Variants in FAP observed in about 807,000 individuals in gnomAD.
FAP encodes the protein prolyl endopeptidase FAP.
A neutral mutation model predicts 126.5 loss-of-function variants in FAP; 110 were observed. That is an observed-to-expected ratio of 0.87 (90% CI 0.74 to 1.02). The LOEUF is 1.02. FAP is among the 50% of genes least tolerant of loss of function. FAP has a pLI of 0.00. For missense variants in FAP, 919 were observed against 909.2 expected (o/e 1.01, Z -0.14); for synonymous variants, 334 against 297.3 (o/e 1.12, Z -1.27).
At chr2:162,218,427 A>G (rs559731514) in intron 8 of FAP, among the ~76,000 whole-genome samples, 5 of 152,204 alleles carry the variant, frequency 3.3e-5, no homozygotes, top group Non-Finnish European at 5.9e-5. Flanking sequence ...TTTTTCTTTC[A>G]GGGCAGTTTC....
chr2:162,195,783 T>C (rs150402758), intron 16 of FAP, among the ~76,000 whole-genome samples: 1 of 152,280 alleles, frequency 6.6e-6, no homozygotes, highest in East Asian at 1.9e-4. Context: ...AATATACCTT[T>C]TAAGCATAAA....
At chr2:162,176,709 T>G (rs1044820374) in intron 21 of FAP, 1 of 152,180 alleles carries the variant, frequency 6.6e-6, no homozygotes, top group African/African-American at 2.4e-5. Context: ...AAAGTGTGTT[T>G]ACTGCAAGTA....
At chr2:162,219,976 A>T in intron 6 of FAP, 51 bp from the exon 7 acceptor site, 1 of 1,223,730 alleles carries the variant, frequency 8.2e-7, no homozygotes, top group South Asian at 1.2e-5. Context: ...TTTAATGCAA[A>T]AAAATAATAA....
chr2:162,195,298 G>C (rs1018576857), intron 16 of FAP, among the ~76,000 whole-genome samples: 6 of 152,034 alleles, frequency 3.9e-5, no homozygotes, highest in Non-Finnish European at 7.4e-5. Context: ...AAGGAGGTTT[G>C]TGGGGGTGGT....
intron 10 of FAP, among the ~76,000 whole-genome samples, 170 bp from the exon 11 acceptor site, chr2:162,214,243 A>T (rs1689078268): frequency 2.0e-5 from 3 of 152,166 alleles, no homozygotes; most frequent in Admixed American, 1.3e-4. Flanking sequence ...AAATATCTCT[A>T]CTTACTTAAA....
intron 12 of FAP, among the ~76,000 whole-genome samples, chr2:162,205,880 A>T (rs1688680945): frequency 6.6e-6 from 1 of 152,206 alleles, no homozygotes; most frequent in African/African-American, 2.4e-5. Flanking sequence ...TCACTAAAAT[A>T]AAACCTGAAT....
intron 20 of FAP, among the ~76,000 whole-genome samples, chr2:162,184,491 A>G (rs1687797067): frequency 6.6e-6 from 1 of 152,234 alleles, no homozygotes; most frequent in Non-Finnish European, 1.5e-5. Context: ...TCGCTCTTGC[A>G]TTGATTCAAC....
Position 162,243,329 on chromosome 2 carries a change from T to C in FAP, c.-2A>G. ...GAGGTTGCTTATACTAACCTTCATT[T>C]TTCCAGATGTTTTTGAAAGTTAGCT... is the stretch of plus-strand genomic sequence containing the variant. On this transcript the variant is annotated 5_prime_UTR_variant, in exon 1 of 26. Transcript: ENST00000188790. 6.2e-7 allele frequency: 1 copy of C among 1,610,314 alleles called. No individual in the cohort carries two copies. Among genetic ancestry groups the C allele is most frequent in the Non-Finnish European group, 8.5e-7 (1 of 1,177,886 alleles).
rs769366467 is a variant in FAP at position 162,209,952 on chromosome 2, T to A, written c.1047A>T (p.Gly349=). Residue 349 remains glycine (G), a splice_region_variant and synonymous_variant, in exon 12 of 26, where the codon GGA becomes GGT. Coordinates refer to ENST00000188790, the MANE Select transcript of FAP (RefSeq NM_004460.5). ...IEESRTGWAG[G]FFVSTPVFSY... is the part of the protein sequence containing the mutation. ...TAAGAAAAAGATAGCAAAATCATAC[T>A]CCACCAGCCCATCCAGTTCTGCTTT... The A allele has an allele frequency of 1.9e-6, 3 of 1,612,546 alleles. No homozygotes were observed. The highest frequency in any genetic ancestry group is 2.5e-6 in the Non-Finnish European group (3 of 1,179,218).
chr2:162,204,253 A>G (rs1050917606), intron 12 of FAP, among the ~76,000 whole-genome samples: 2 of 152,192 alleles, frequency 1.3e-5, no homozygotes, highest in Admixed American at 1.3e-4. Flanking sequence ...CTCATATTTG[A>G]TGCCTTTTTG....
At chr2:162,172,741 A>G in intron 25 of FAP, 70 bp downstream of exon 25, 3 of 1,008,728 alleles carry the variant, frequency 3.0e-6, no homozygotes, top group Non-Finnish European at 4.6e-6. Flanking sequence ...TAAAAAAAAT[A>G]AAAATATGAA....
chr2:162,171,029 A>G lies in FAP; in HGVS notation c.2233T>C (p.Tyr745His). The change falls in exon 26 of 26, where the codon TAC (tyrosine) becomes CAC (histidine). Residue 745 changes from tyrosine (Y) to histidine (H), a missense_variant. Transcript: ENST00000188790. ...GLSGLSTNHL[Y>H]THMTHFLKQC... is the part of the protein sequence containing the mutation. Reference sequence around the variant, plus strand: ...TTTAGGAAGTGGGTCATGTGGGTGTATAAGTGGTTCGTGGACAGGCCGGAT... The same window carrying G: ...TTTAGGAAGTGGGTCATGTGGGTGTGTAAGTGGTTCGTGGACAGGCCGGAT... 2 of 1,613,356 alleles carry G rather than the reference A, an allele frequency of 1.2e-6. No individual in the cohort carries two copies. Among genetic ancestry groups the G allele is most frequent in the Non-Finnish European group, 1.7e-6 (2 of 1,179,434 alleles).
chr2:162,188,302 G>C lies in FAP; in HGVS notation c.1681C>G (p.Leu561Val), dbSNP rs1478536034. The C allele has an allele frequency of 1.9e-6, 3 of 1,613,114 alleles. No homozygotes were observed. Among genetic ancestry groups the C allele is most frequent in the Non-Finnish European group, 2.5e-6 (3 of 1,179,508 alleles). The change falls in exon 20 of 26, where the codon CTT becomes GTT. Residue 561 changes from leucine (L) to valine (V), a missense_variant. Transcript: ENST00000188790. The part of the protein sequence containing the change: ...SVFAVNWISY[L>V]ASKEGMVIAL... ...ATGACCATCCCTTCCTTACTTGCAA[G>C]ATAAGATATCCAATTAACAGCAAAT...
At chr2:162,198,361 T>A in intron 16 of FAP, 1 of 1,281,048 alleles carries the variant, frequency 7.8e-7, no homozygotes, top group Non-Finnish European at 1.0e-6. Flanking sequence ...AACCATTTTA[T>A]CAGAGAACAT....
intron 16 of FAP, chr2:162,197,657 G>A (rs989529364): frequency 4.4e-6 from 2 of 456,590 alleles, no homozygotes; most frequent in Non-Finnish European, 8.8e-6. Flanking sequence ...AGGTTCCGGG[G>A]CCAGGTGGCT....
At chr2:162,210,498 G>A (rs765400235) in intron 11 of FAP, among the ~76,000 whole-genome samples, 2 of 152,142 alleles carry the variant, frequency 1.3e-5, no homozygotes, top group Non-Finnish European at 2.9e-5. Flanking sequence ...AACATTCTAG[G>A]TAAAATAAAT....
intron 6 of FAP, among the ~76,000 whole-genome samples, chr2:162,222,070 T>C (rs182559184): frequency 2.6e-5 from 4 of 152,280 alleles, no homozygotes; most frequent in Admixed American, 2.0e-4. Context: ...TTTAATGTGA[T>C]TTTAGGCCAT....
rs1576209309 is a variant in FAP, at chr2:162,242,988, C to A, written c.11G>T (p.Trp4Leu). MKT[W>L]VKIVFGVATS... ...GGCAACTCCAAATACGATTTTTACC[C>A]AAGTCTACATAAAATAAAGAGAATT... Residue 4 changes from tryptophan to leucine, a missense_variant, in exon 2 of 26, where the codon TGG becomes TTG. Trp to Leu is a moderately conservative substitution (Grantham distance 61). Coordinates refer to ENST00000188790, the MANE Select transcript of FAP (RefSeq NM_004460.5). The A allele has an allele frequency of 3.7e-6, 6 of 1,610,920 alleles. No homozygotes were observed. The East Asian group carries it at 1.3e-4, about 36-fold the overall frequency.
At chr2:162,222,576 A>G (rs562546882) in intron 6 of FAP, among the ~76,000 whole-genome samples, 4 of 152,176 alleles carry the variant, frequency 2.6e-5, no homozygotes, top group Non-Finnish European at 4.4e-5. Context: ...TCTTCAAGCC[A>G]TATAATTATT....
Sources: gnomAD v4.1 joint callset for allele counts (sites outside exome capture counted in the v4.1 genomes callset) on GRCh38, gnomAD v4.1.1 for gene constraint, MANE v1.5 for transcripts, NCBI Gene and HGNC (gene_info 2026-07-23, HGNC 2026-07-21) for gene names.